Variants in ANKS1B observed in about 807,000 individuals in gnomAD.
ANKS1B encodes ankyrin repeat and sterile alpha motif domain containing 1B, also known as ankyrin repeat and sterile alpha motif domain-containing protein 1B.
In ANKS1B, 36 loss-of-function variants were observed where a neutral mutation model predicts 148.3. That is an observed-to-expected ratio of 0.24 (90% CI 0.19 to 0.32). ANKS1B has a LOEUF of 0.32. Ranked by LOEUF, ANKS1B falls within the 10% of genes least tolerant of loss-of-function variation. The pLI, the probability that ANKS1B is intolerant of heterozygous loss-of-function variation, is 1.00. For missense variants in ANKS1B, 1,157 were observed against 1,542.6 expected (o/e 0.75, Z 4.19); for synonymous variants, 542 against 560.8 (o/e 0.97, Z 0.47).
At chr12:99,887,979 A>G (rs1565931184) in intron 1 of ANKS1B, among the ~76,000 whole-genome samples, 1 of 152,242 alleles carries the variant, frequency 6.6e-6, no homozygotes, top group Non-Finnish European at 1.5e-5. Flanking sequence ...ATAGTCTAAT[A>G]CAATGGGCTC....
chr12:98,765,103 A>G (rs1292904846), intron 25 of ANKS1B, among the ~76,000 whole-genome samples: 5 of 152,246 alleles, frequency 3.3e-5, no homozygotes, highest in Non-Finnish European at 7.3e-5. Flanking sequence ...AAGCATCACT[A>G]TTAACTGCTT....
chr12:98,979,566 C>T (rs1381645594), intron 17 of ANKS1B, among the ~76,000 whole-genome samples: 1 of 152,142 alleles, frequency 6.6e-6, no homozygotes, highest in African/African-American at 2.4e-5. Context: ...CCACTGCGCC[C>T]AGCTATCTTT....
intron 15 of ANKS1B, among the ~76,000 whole-genome samples, chr12:99,132,881 A>G (rs933117968): frequency 3.3e-5 from 5 of 152,130 alleles, no homozygotes; most frequent in African/African-American, 1.2e-4. Flanking sequence ...TCTTTTAACC[A>G]TTGTATGAGG....
rs2080214162 is a variant in ANKS1B, at chr12:99,292,803, A to G, written c.1757-45939T>C. ...ATGCAAATCAAAACCACAATGAGAT[A>G]CCATCTCACACCAGTTAGAATGGCA... On this transcript the variant is annotated intron_variant, in intron 12 of 26. Coordinates refer to ENST00000683438, the MANE Select transcript of ANKS1B (RefSeq NM_001352186.2). Among the ~76,000 whole-genome samples, 7 of 152,346 alleles carry G rather than the reference A, an allele frequency of 4.6e-5. No individual in the cohort carries two copies. The South Asian group carries it at 1.4e-3, about 32-fold the overall frequency.
intron 17 of ANKS1B, among the ~76,000 whole-genome samples, chr12:98,973,690 C>A (rs1006129065): frequency 1.3e-5 from 2 of 152,036 alleles, no homozygotes; most frequent in African/African-American, 4.8e-5. Flanking sequence ...CAAGGTATTA[C>A]CGTGCTTGTG....
chr12:99,872,335 C>G (rs11110077), intron 1 of ANKS1B, among the ~76,000 whole-genome samples: 16,808 of 152,068 alleles, frequency 0.11, 1,036 homozygotes, highest in African/African-American at 0.16. Flanking sequence ...CTAGATGGTA[C>G]TTGCATAGGT....
chr12:99,342,460 G>A (rs964007973), intron 12 of ANKS1B, among the ~76,000 whole-genome samples: 3 of 151,974 alleles, frequency 2.0e-5, no homozygotes, highest in African/African-American at 4.8e-5. Context: ...CTGACCCTGC[G>A]ATAAGTCTAA....
At chr12:99,519,972 G>T (rs1000324314) in intron 9 of ANKS1B, among the ~76,000 whole-genome samples, 2 of 152,074 alleles carry the variant, frequency 1.3e-5, no homozygotes, top group Non-Finnish European at 2.9e-5. Flanking sequence ...AACTTTGTCT[G>T]CCTGCTTTTT....
intron 11 of ANKS1B, among the ~76,000 whole-genome samples, chr12:99,424,826 T>C (rs2095210848): frequency 6.6e-6 from 1 of 151,990 alleles, no homozygotes; most frequent in Non-Finnish European, 1.5e-5. Context: ...GCAGACAAGA[T>C]GAAAACCTAA....
chr12:99,026,096 T>G (rs1485954496), intron 17 of ANKS1B, among the ~76,000 whole-genome samples: 2 of 152,212 alleles, frequency 1.3e-5, no homozygotes, highest in Non-Finnish European at 2.9e-5. Context: ...ACTAGTTTAG[T>G]TGAAGGTATG....
intron 19 of ANKS1B, among the ~76,000 whole-genome samples, chr12:98,826,789 A>G (rs1384745107): frequency 6.6e-6 from 1 of 152,202 alleles, no homozygotes; most frequent in Non-Finnish European, 1.5e-5. Context: ...CCAGGTTGGA[A>G]GGAGGTATAA....
At chr12:98,906,157 T>A (rs1205906196) in intron 17 of ANKS1B, among the ~76,000 whole-genome samples, 6 of 152,238 alleles carry the variant, frequency 3.9e-5, no homozygotes, top group Non-Finnish European at 8.8e-5. Context: ...TTCTCTCCTT[T>A]CTCTCAGCTG....
intron 10 of ANKS1B, among the ~76,000 whole-genome samples, chr12:99,470,768 A>G (rs2096228801): frequency 6.6e-6 from 1 of 152,148 alleles, no homozygotes; most frequent in Non-Finnish European, 1.5e-5. Context: ...AGTAAATTCT[A>G]GAAAAACTGG....
At chr12:98,736,498 C>G (rs79285442) in intron 9 of ANKS1B, among the ~76,000 whole-genome samples, 2 of 152,126 alleles carry the variant, frequency 1.3e-5, no homozygotes, top group African/African-American at 4.8e-5. Context: ...TGCCCGTTAA[C>G]GAGACATCCA....
chr12:99,913,989 CCT>C (rs1824458827), intron 1 of ANKS1B, among the ~76,000 whole-genome samples: 1 of 152,154 alleles, frequency 6.6e-6, no homozygotes, highest in South Asian at 2.1e-4. Flanking sequence ...ACCATATCCC[CCT>C]GACTTGTCTG....
chr12:99,423,654 GA>G (rs201290405), intron 11 of ANKS1B, among the ~76,000 whole-genome samples: 2 of 150,230 alleles, frequency 1.3e-5, no homozygotes, highest in African/African-American at 4.9e-5. Flanking sequence ...TTATGCAACA[GA>G]AAAAAAAAGG....
At chr12:99,565,842 T>C (rs1035611480) in intron 9 of ANKS1B, among the ~76,000 whole-genome samples, 3 of 152,154 alleles carry the variant, frequency 2.0e-5, no homozygotes, top group Non-Finnish European at 2.9e-5. Context: ...ATTCACACCA[T>C]AAAAGAAAAG....
intron 12 of ANKS1B, among the ~76,000 whole-genome samples, chr12:99,376,232 A>C (rs1284448615): frequency 6.6e-6 from 1 of 152,254 alleles, no homozygotes; most frequent in African/African-American, 2.4e-5. Flanking sequence ...TACGAAAAAA[A>C]ATGCATGAGT....
chr12:99,812,511 C>CCACACACACACACA (rs10539640), intron 2 of ANKS1B, among the ~76,000 whole-genome samples, 200 bp from the exon 3 acceptor site: 16 of 126,094 alleles, frequency 1.3e-4, no homozygotes, highest in African/African-American at 4.2e-4. Context: ...TCACCCCATG[C>CCACACACACACACA]CACACACACA....
Sources: allele counts gnomAD v4.1 joint callset (sites outside exome capture counted in the v4.1 genomes callset), GRCh38; gene constraint gnomAD v4.1.1; transcripts MANE v1.5; gene names NCBI Gene and HGNC (gene_info 2026-07-23, HGNC 2026-07-21).